The following REXO5 variants were observed in gnomAD, a reference collection of about 807,000 sequenced individuals.
REXO5 encodes exonuclease NEF-sp.
In REXO5, 48 loss-of-function variants were observed where a neutral mutation model predicts 88.5. The ratio of observed to expected loss-of-function variants is 0.54; its 90% CI spans 0.43 to 0.69. The LOEUF is 0.69. Among genes scored for constraint, REXO5 ranks in the 30% least tolerant of loss-of-function variants. The pLI is 0.00. For missense variants in REXO5, 749 were observed against 912.2 expected (o/e 0.82, Z 2.30); for synonymous variants, 311 against 336.5 (o/e 0.92, Z 0.83).
intron 2 of REXO5, among the ~76,000 whole-genome samples, chr16:20,812,208 T>G (rs2081009607): frequency 6.6e-6 from 1 of 152,202 alleles, no homozygotes; most frequent in Non-Finnish European, 1.5e-5. Flanking sequence ...ATTACTTTAT[T>G]AAACAAATAT....
chr16:20,820,671 C>A (rs962900402), intron 5 of REXO5, among the ~76,000 whole-genome samples: 3 of 140,310 alleles, frequency 2.1e-5, no homozygotes, highest in Non-Finnish European at 1.5e-5. Flanking sequence ...TCAAGCAATT[C>A]TTGTGCCTTA....
intron 14 of REXO5, chr16:20,840,063 A>G: frequency 1.8e-6 from 1 of 548,078 alleles, no homozygotes; most frequent in Non-Finnish European, 3.2e-6. Context: ...TTCATTTAAC[A>G]GTATATCATA....
In REXO5 at chr16:20,844,789, C is replaced by A; in HGVS notation, c.1880C>A (p.Ala627Asp). The A allele has an allele frequency of 1.2e-6, 2 of 1,614,178 alleles. No homozygotes were observed. The highest frequency in any genetic ancestry group is 2.2e-5 in the East Asian group (1 of 44,884). The stretch of plus-strand genomic sequence containing the variant: ...CCCCGCCTCTTTCTTGGCCTGGAAG[C>A]TGTGATCTTGCCTAAAGATCTTAAA... ...QEPRLFLGLE[A>D]VILPKDLKSG... Residue 627 changes from alanine (A) to aspartate (D), a missense_variant, in exon 17 of 20, where the codon GCT (alanine) becomes GAT (aspartate). Transcript: ENST00000261377.
At chr16:20,817,728 C>A (rs2081102732) in intron 5 of REXO5, among the ~76,000 whole-genome samples, 1 of 152,134 alleles carries the variant, frequency 6.6e-6, no homozygotes, top group Non-Finnish European at 1.5e-5. Context: ...AAGGCATAGT[C>A]CCTCGCACTC....
intron 6 of REXO5, among the ~76,000 whole-genome samples, chr16:20,824,043 G>A (rs1055463295): frequency 2.0e-5 from 3 of 152,114 alleles, no homozygotes; most frequent in African/African-American, 7.2e-5. Context: ...CTGTATTTAG[G>A]AAAGAAAGAT....
chr16:20,807,011 C>A lies in REXO5; in HGVS notation c.58C>A (p.Gln20Lys). The A allele has an allele frequency of 6.2e-7, 1 of 1,601,994 alleles. No homozygotes were observed. The part of the protein sequence containing the change: ...RHPRKVRESR[Q>K]APNKLVGAAE... The stretch of plus-strand genomic sequence containing the variant: ...CCCCAGGAAGGTCAGGGAAAGCAGG[C>A]AGGCCCCAAATAAGCTGGTCGGGGC... Residue 20 changes from glutamine to lysine, a missense_variant, in exon 2 of 20, where the codon CAG becomes AAG. Gln to Lys is a moderately conservative substitution (Grantham distance 53, BLOSUM62 1). Coordinates refer to ENST00000261377, the MANE Select transcript of REXO5 (RefSeq NM_030941.3).
chr16:20,826,073 G>A, intron 8 of REXO5, 125 bp downstream of exon 8: 3 of 632,618 alleles, frequency 4.7e-6, no homozygotes, highest in South Asian at 4.1e-5. Context: ...AAAGGTTAGG[G>A]CATCACATAG....
chr16:20,840,223 G>A (rs372639304), intron 14 of REXO5, 108 bp from the exon 15 acceptor site: 1 of 962,064 alleles, frequency 1.0e-6, no homozygotes, highest in Admixed American at 3.1e-5. Context: ...CATTTGGCAA[G>A]TATTTATATC....
At chr16:20,806,513 G>A (rs1432293545), upstream of REXO5, 3 of 1,540,406 alleles carry the variant, frequency 1.9e-6, no homozygotes, top group Non-Finnish European at 2.6e-6. Flanking sequence ...AGCCCGCGAG[G>A]CTGAGGGGCG....
rs530192806 is a variant in REXO5, at chr16:20,807,160, C to T, written c.138+69C>T. 35 of 1,523,772 alleles carry T rather than the reference C, an allele frequency of 2.3e-5. 1 individual carries two copies. In the African/African-American group the frequency reaches 4.1e-4, roughly 18 times the overall value. The allele number at this position is 1,523,772 out of a possible 1,614,324, so 94.4% of individuals were successfully genotyped here. On this transcript the variant is annotated intron_variant, in intron 2 of 19. Coordinates refer to ENST00000261377, the MANE Select transcript of REXO5 (RefSeq NM_030941.3). ...AGCTCCCGGACCCTCGCCCAACCGC[C>T]GTCGGGGGCACTGGATTCGGGCGGG... is the stretch of plus-strand genomic sequence containing the variant.
At chr16:20,834,694 A>G (rs978758025) in intron 13 of REXO5, among the ~76,000 whole-genome samples, 2 of 151,434 alleles carry the variant, frequency 1.3e-5, no homozygotes, top group African/African-American at 2.4e-5. Context: ...TTCCGTTGCT[A>G]TGTCTTAGGT....
At chr16:20,832,811 A>G (rs939040073) in intron 12 of REXO5, among the ~76,000 whole-genome samples, 192 bp from the exon 13 acceptor site, 1 of 152,184 alleles carries the variant, frequency 6.6e-6, no homozygotes, top group African/African-American at 2.4e-5. Context: ...CATCTGTGCT[A>G]TCTCGTTTGG....
chr16:20,813,488 C>T lies in REXO5; in HGVS notation c.251+186C>T, dbSNP rs926759984. Among the ~76,000 whole-genome samples, 2 of 151,970 alleles carry T rather than the reference C, an allele frequency of 1.3e-5. 1 individual carries two copies. The highest frequency in any genetic ancestry group is 4.1e-4 in the South Asian group (2 of 4,822). ...TGCCAAGTGTTAATTCTGGAAATTC[C>T]TATATAAAAATCTACATTTTCTTCT... On this transcript the variant is annotated intron_variant, in intron 3 of 19. Transcript: ENST00000261377.
chr16:20,810,411 T>C (rs2080979206), intron 2 of REXO5, among the ~76,000 whole-genome samples: 3 of 152,064 alleles, frequency 2.0e-5, no homozygotes, highest in Non-Finnish European at 2.9e-5. Context: ...TTTTCTCCTT[T>C]TTTTTTTTCT....
chr16:20,806,555 A>C lies in REXO5; in HGVS notation c.-153A>C, dbSNP rs1169571865. 10 of 1,505,128 alleles carry C rather than the reference A, an allele frequency of 6.6e-6. No individual in the cohort carries two copies. The highest frequency in any genetic ancestry group is 4.1e-5 in the African/African-American group (3 of 72,360). The allele number at this position is 1,505,128 out of a possible 1,614,324, so 93.2% of individuals were successfully genotyped here. On this transcript the variant is annotated 5_prime_UTR_variant, in exon 1 of 20. Coordinates refer to ENST00000261377, the MANE Select transcript of REXO5 (RefSeq NM_030941.3). ...GTTGGCAGCTGTGGCTAAGGAGGGGAGAACCTCTGCTCCCCGCCCGTCTTC... is the reference window on the plus strand; with the variant it reads ...GTTGGCAGCTGTGGCTAAGGAGGGGCGAACCTCTGCTCCCCGCCCGTCTTC...
chr16:20,807,108 C>T lies in REXO5; in HGVS notation c.138+17C>T. The stretch of plus-strand genomic sequence containing the variant: ...GAGGCCAAGGTGAGCAACGGGGATC[C>T]CGAGCAGGCGGCCCTAGGCGGTTTG... On this transcript the variant is annotated intron_variant, in intron 2 of 19. Coordinates refer to ENST00000261377, the MANE Select transcript of REXO5 (RefSeq NM_030941.3). 2.5e-6 allele frequency: 4 copies of T among 1,594,384 alleles called. No individual in the cohort carries two copies. Among genetic ancestry groups the T allele is most frequent in the Non-Finnish European group, 3.4e-6 (4 of 1,171,642 alleles).
At chr16:20,831,487 A>T (rs1207788955) in intron 11 of REXO5, among the ~76,000 whole-genome samples, 1 of 152,200 alleles carries the variant, frequency 6.6e-6, no homozygotes, top group Non-Finnish European at 1.5e-5. Flanking sequence ...TAATTGTGAC[A>T]AATGCACCAT....
chr16:20,828,650 C>A, intron 11 of REXO5, 113 bp downstream of exon 11: 1 of 734,656 alleles, frequency 1.4e-6, no homozygotes, highest in Non-Finnish European at 2.3e-6. Context: ...CAGTGTGGGC[C>A]AGGTGCAGTG....
chr16:20,828,510 G>T lies in REXO5; in HGVS notation c.1131G>T (p.Arg377=). Residue 377 remains arginine (R), a synonymous_variant, in exon 11 of 20, where the codon CGG becomes CGT. Transcript: ENST00000261377. ...EDARTILELA[R]YFLKHGPKKI... is the part of the protein sequence containing the mutation. ...CTAGAACAATCCTTGAATTGGCTCG[G>T]TATTTCCTTAAGCATGGCCCAAAAA... The T allele has an allele frequency of 6.2e-7, 1 of 1,613,848 alleles. No individual in the cohort carries two copies. Among genetic ancestry groups the T allele is most frequent in the South Asian group, 1.1e-5 (1 of 91,078 alleles).
Sources: allele counts gnomAD v4.1 joint callset (sites outside exome capture counted in the v4.1 genomes callset), GRCh38; gene constraint gnomAD v4.1.1; transcripts MANE v1.5; gene names NCBI Gene and HGNC (gene_info 2026-07-23, HGNC 2026-07-21).